Variants in TMEM63A observed in about 807,000 individuals in gnomAD.
TMEM63A encodes the protein transmembrane protein 63A.
In TMEM63A, 76 loss-of-function variants were observed where a neutral mutation model predicts 100.6. The ratio of observed to expected loss-of-function variants is 0.76; its 90% CI spans 0.63 to 0.91. TMEM63A has a LOEUF of 0.91. Among genes scored for constraint, TMEM63A ranks in the 40% least tolerant of loss-of-function variants. The pLI is 0.00. For synonymous variants in TMEM63A, 401 were observed against 401.1 expected (o/e 1.00, Z 0.00); for missense variants, 876 against 1,008.8 (o/e 0.87, Z 1.78).
rs912876598 is a variant in TMEM63A, at chr1:225,867,255, A to T, written c.515-92T>A. 1.5e-5 allele frequency: 20 copies of T among 1,291,566 alleles called. No homozygotes were observed. The highest frequency in any genetic ancestry group is 2.1e-5 in the Non-Finnish European group (19 of 887,500). The allele number at this position is 1,291,566 out of a possible 1,614,324, so 80.0% of individuals were successfully genotyped here. On this transcript the variant is annotated intron_variant, in intron 7 of 24. Coordinates refer to ENST00000366835, the MANE Select transcript of TMEM63A (RefSeq NM_014698.3). The surrounding 1 kb of genome is among the most constrained non-coding windows in gnomAD (Gnocchi z 4.6). ...AGCCTTGGTTTGTGGAGCTCTGGGG[A>T]GGAGGAGCATGTCTGGACCAGCAGG...
Position 225,845,557 on chromosome 1 carries a change from T to C in TMEM63A, c.*1382A>G, listed in dbSNP as rs1668907062. On this transcript the variant is annotated 3_prime_UTR_variant, in exon 25 of 25. Transcript: ENST00000366835. ...TGGCTTTGATGATAAACGACTTTAC[T>C]CTAAAAGCGGCTGGAACTCAGTGAC... is the stretch of plus-strand genomic sequence containing the variant. 1 of 611,516 alleles carries C rather than the reference T, an allele frequency of 1.6e-6. No individual in the cohort carries two copies. The highest frequency in any genetic ancestry group is 2.9e-5 in the Admixed American group (1 of 34,454). 37.9% of individuals were successfully genotyped at this position (611,516 alleles called of 1,614,324 possible).
intron 15 of TMEM63A, among the ~76,000 whole-genome samples, chr1:225,857,395 G>GGC (rs1669692041): frequency 8.0e-6 from 1 of 124,278 alleles, no homozygotes; most frequent in African/African-American, 3.7e-5. Context: ...GGGGGGGGGG[G>GGC]GGTGCCCTGC....
chr1:225,845,304 C>T, downstream of TMEM63A: 1 of 1,612,402 alleles, frequency 6.2e-7, no homozygotes, highest in Admixed American at 1.7e-5. Context: ...GAGCTGCTCG[C>T]CCAGGACATC....
rs1192819075 is a variant in TMEM63A, at chr1:225,859,250, G to A, written c.1323C>T (p.Ile441=). The stretch of plus-strand genomic sequence containing the variant: ...TAAACTTGTCCATGGTGGACAGGAT[G>A]ATGGAGGGTGTGGTCAGGAAAAATA... ...LGLFFLTTPS[I]ILSTMDKFNV... is the part of the protein sequence containing the mutation. The change falls in exon 15 of 25, where the codon ATC becomes ATT. Residue 441 remains isoleucine (I), a synonymous_variant. Coordinates refer to ENST00000366835, the MANE Select transcript of TMEM63A (RefSeq NM_014698.3). 6.2e-7 allele frequency: 1 copy of A among 1,614,158 alleles called. No individual in the cohort carries two copies. The highest frequency in any genetic ancestry group is 1.1e-5 in the South Asian group (1 of 91,078).
chr1:225,869,996 C>T (rs998971893), intron 6 of TMEM63A, among the ~76,000 whole-genome samples: 2 of 151,978 alleles, frequency 1.3e-5, no homozygotes, highest in East Asian at 1.9e-4. Flanking sequence ...TGTACGCTAT[C>T]GTTATAGTTG....
At chr1:225,874,460 C>T (rs927268103) in intron 3 of TMEM63A, 93 bp from the exon 4 acceptor site, 1 of 1,059,568 alleles carries the variant, frequency 9.4e-7, no homozygotes, top group South Asian at 1.5e-5. Flanking sequence ...CCTGCCCGCA[C>T]TCAGCAGGGC....
intron 14 of TMEM63A, chr1:225,860,573 T>A: frequency 3.3e-6 from 1 of 299,860 alleles, no homozygotes; most frequent in Admixed American, 5.1e-5. Flanking sequence ...CAACTGTTTC[T>A]TTTTACTTTT....
chr1:225,856,829 G>C, intron 16 of TMEM63A, 82 bp downstream of exon 16: 1 of 1,579,266 alleles, frequency 6.3e-7, no homozygotes, highest in Non-Finnish European at 8.6e-7. Context: ...TGCCTGAGCA[G>C]CTGGGGGGTT....
downstream of TMEM63A, chr1:225,844,416 C>A: frequency 6.2e-7 from 1 of 1,608,128 alleles, no homozygotes; most frequent in South Asian, 1.1e-5. Context: ...CAGGGCCTGG[C>A]ATTTGTAGGA....
At chr1:225,850,320 G>A (rs949997734) in intron 20 of TMEM63A, among the ~76,000 whole-genome samples, 1 of 152,046 alleles carries the variant, frequency 6.6e-6, no homozygotes, top group Non-Finnish European at 1.5e-5. Context: ...AGGGTGGTGG[G>A]AGAAAATTTA....
intron 4 of TMEM63A, among the ~76,000 whole-genome samples, chr1:225,873,647 C>T (rs185978977): frequency 3.7e-4 from 56 of 152,248 alleles, no homozygotes; most frequent in African/African-American, 1.3e-3. Context: ...AATCCTGGAG[C>T]CCCACGCAGA....
At chr1:225,845,024 C>A, downstream of TMEM63A, 1 of 1,096,290 alleles carries the variant, frequency 9.1e-7, no homozygotes, top group Non-Finnish European at 1.4e-6. Flanking sequence ...TTGTCCTTTT[C>A]TTTATGGCTC....
intron 18 of TMEM63A, among the ~76,000 whole-genome samples, chr1:225,854,682 C>T (rs1674537138): frequency 6.6e-6 from 1 of 152,166 alleles, no homozygotes; most frequent in Non-Finnish European, 1.5e-5. Flanking sequence ...AGTTGGGTTA[C>T]CAGCCTGGAG....
At chr1:225,850,146 C>T (rs1392008142) in intron 20 of TMEM63A, 67 bp from the exon 21 acceptor site, 1 of 1,562,536 alleles carries the variant, frequency 6.4e-7, no homozygotes, top group African/African-American at 1.4e-5. Context: ...TCCTCTTCCT[C>T]TCCGGGGCGG....
rs201172859 is a variant in TMEM63A, at chr1:225,862,381, C to T, written c.952-30G>A. On this transcript the variant is annotated intron_variant, in intron 12 of 24. Transcript: ENST00000366835. This position sits in a 1 kb window ranked among gnomAD's most constrained non-coding sequence, Gnocchi z 5.1. The stretch of plus-strand genomic sequence containing the variant: ...CACAAGACACATCCCATTGGGATGA[C>T]GTGGCCCCATGCTGGTATCTGGGGC... The T allele has an allele frequency of 1.4e-5, 23 of 1,614,068 alleles. No individual in the cohort carries two copies. In the East Asian group the frequency reaches 2.7e-4, roughly 19 times the overall value.
intron 20 of TMEM63A, among the ~76,000 whole-genome samples, chr1:225,851,154 C>G (rs896993592): frequency 6.6e-6 from 1 of 152,074 alleles, no homozygotes; most frequent in Admixed American, 6.6e-5. Flanking sequence ...AGTTGGATGC[C>G]TGGCCTCAAT....
rs190523586 is a variant in TMEM63A, at chr1:225,850,213, G to A, written c.1904-134C>T. On this transcript the variant is annotated intron_variant, in intron 20 of 24. Transcript: ENST00000366835. ...CTGCTCTACTGCCTGAACACAAAAT[G>A]AGGCATCCTGCACCTCTGGCTACTA... The A allele has an allele frequency of 2.5e-4, 252 of 992,994 alleles. No homozygotes were observed. The African/African-American group carries it at 2.9e-3, about 11-fold the overall frequency. 61.5% of individuals were successfully genotyped at this position (992,994 alleles called of 1,614,324 possible).
downstream of TMEM63A, chr1:225,845,398 C>A: frequency 6.7e-7 from 1 of 1,492,242 alleles, no homozygotes. Flanking sequence ...GCCCTCCAGG[C>A]TTTTCTTGGG....
intron 4 of TMEM63A, among the ~76,000 whole-genome samples, chr1:225,872,657 G>A (rs1453210200): frequency 6.9e-6 from 1 of 145,908 alleles, no homozygotes; most frequent in Non-Finnish European, 1.5e-5. Flanking sequence ...AATCTGAGGT[G>A]TTTGCAATAC....
Sources: gnomAD v4.1 joint callset for allele counts (sites outside exome capture counted in the v4.1 genomes callset) on GRCh38, gnomAD v4.1.1 for gene constraint, Gnocchi (gnomAD v3.1) non-coding constraint, MANE v1.5 for transcripts, NCBI Gene and HGNC (gene_info 2026-07-23, HGNC 2026-07-21) for gene names.